MS4A4A: variants seen among roughly 807,000 people sequenced by gnomAD.
MS4A4A encodes the protein membrane spanning 4-domains A4A.
Under a neutral mutation model 28.0 loss-of-function variants are expected in MS4A4A, and 26 were observed. The ratio of observed to expected loss-of-function variants is 0.93; its 90% CI spans 0.68 to 1.29. MS4A4A has a LOEUF of 1.29. Ranked by LOEUF, MS4A4A falls within the 50% of genes most tolerant of loss-of-function variation. The probability of loss-of-function intolerance (pLI) is 0.00; values close to 1 mark genes in which losing one functional copy is unlikely to be tolerated. For missense variants in MS4A4A, 290 were observed against 293.1 expected (o/e 0.99, Z 0.08); for synonymous variants, 86 against 100.8 (o/e 0.85, Z 0.88).
intron 1 of MS4A4A, chr11:60,290,062 A>G (rs927541075): frequency 2.3e-6 from 1 of 443,286 alleles, no homozygotes; most frequent in Non-Finnish European, 4.6e-6. Flanking sequence ...TGTATCAAGG[A>G]TATCTACTTC....
intron 1 of MS4A4A, among the ~76,000 whole-genome samples, chr11:60,281,005 A>G (rs1339465596): frequency 6.6e-6 from 1 of 152,198 alleles, no homozygotes; most frequent in African/African-American, 2.4e-5. Flanking sequence ...TCTTCAGGAT[A>G]TCAAAACACT....
rs761844171 is a variant in MS4A4A, at chr11:60,297,219, T to C, written c.224T>C (p.Leu75Pro). 1.2e-6 allele frequency: 2 copies of C among 1,613,504 alleles called. No homozygotes were observed. Among genetic ancestry groups the C allele is most frequent in the South Asian group, 2.2e-5 (2 of 91,078 alleles). Residue 75 changes from leucine (L) to proline (P), a missense_variant, in exon 3 of 7, where the codon CTG becomes CCG. Coordinates refer to ENST00000337908, the MANE Select transcript of MS4A4A (RefSeq NM_148975.3). The part of the protein sequence containing the change: ...VLGVVQILTA[L>P]MSLSMGITMM... Reference sequence around the variant, plus strand: ...TAGGTTGTGCAGATTCTGACTGCCCTGATGAGCCTTAGCATGGGAATAACA... The same window carrying C: ...TAGGTTGTGCAGATTCTGACTGCCCCGATGAGCCTTAGCATGGGAATAACA...
At position 60,294,892 on chromosome 11, in the gene MS4A4A, A is replaced by ACTACTTCTTCTT. The variant is rs60374079; in HGVS notation, c.202-2303_202-2302insACTTCTTCTTCT. 6.1e-3 allele frequency among the ~76,000 whole-genome samples: 796 copies of ACTACTTCTTCTT among 130,910 alleles called. 6 individuals are homozygous for ACTACTTCTTCTT. The highest frequency in any genetic ancestry group is 0.01 in the African/African-American group (363 of 34,766). 85.9% of individuals were successfully genotyped at this position (130,910 alleles called of 152,430 possible). ...GGGTAGTGTTAGTCCTACAACTACT[A>ACTACTTCTTCTT]CTTCTTCTTCTTCTTCTTCTTCTTC... On this transcript the variant is annotated intron_variant, in intron 2 of 6. Transcript: ENST00000337908.
In MS4A4A at chr11:60,300,799, G is replaced by T. The variant is rs146068360; in HGVS notation, c.331-202G>T. ...TTTCAGTTAGATATTTGAAAAACTTGATAAATTCTCCCATGGATTTATCTG... is the reference window on the plus strand; with the variant it reads ...TTTCAGTTAGATATTTGAAAAACTTTATAAATTCTCCCATGGATTTATCTG... On this transcript the variant is annotated intron_variant, in intron 3 of 6. Transcript: ENST00000337908. Among the ~76,000 whole-genome samples, 530 of 152,090 alleles carry T rather than the reference G, an allele frequency of 3.5e-3. 4 individuals are homozygous for T. The highest frequency in any genetic ancestry group is 0.012 in the African/African-American group (490 of 41,510).
intron 1 of MS4A4A, among the ~76,000 whole-genome samples, chr11:60,284,166 A>G (rs141684089): frequency 7.0e-4 from 107 of 152,334 alleles, no homozygotes; most frequent in African/African-American, 2.5e-3. Context: ...TGTTTACTCA[A>G]GTTACTTAAT....
chr11:60,306,394 G>A (rs935744500), intron 6 of MS4A4A, among the ~76,000 whole-genome samples, 193 bp downstream of exon 6: 1 of 152,204 alleles, frequency 6.6e-6, no homozygotes, highest in Non-Finnish European at 1.5e-5. Context: ...GTTGGCTGGG[G>A]CTGTGGCCTT....
chr11:60,286,757 T>C (rs2084806860), intron 1 of MS4A4A, among the ~76,000 whole-genome samples: 1 of 152,242 alleles, frequency 6.6e-6, no homozygotes, highest in African/African-American at 2.4e-5. Flanking sequence ...CTTTCAACTA[T>C]GTTTCTTCTT....
chr11:60,305,108 G>A (rs1039246466), intron 5 of MS4A4A, among the ~76,000 whole-genome samples: 2 of 152,166 alleles, frequency 1.3e-5, no homozygotes, highest in Non-Finnish European at 2.9e-5. Context: ...GCATCAATCC[G>A]GGGGAAAATT....
intron 1 of MS4A4A, among the ~76,000 whole-genome samples, chr11:60,289,601 G>A (rs1251923201): frequency 1.4e-5 from 2 of 146,378 alleles, no homozygotes; most frequent in African/African-American, 5.3e-5. Flanking sequence ...GTGTATGTGT[G>A]TGTGTGTGTG....
At position 60,302,303 on chromosome 11, in the gene MS4A4A, C is replaced by G. The variant is rs2084958815; in HGVS notation, c.388-256C>G. 2.0e-5 allele frequency among the ~76,000 whole-genome samples: 3 copies of G among 152,146 alleles called. No individual in the cohort carries two copies. In the South Asian group the frequency reaches 6.2e-4, roughly 32 times the overall value. On this transcript the variant is annotated intron_variant, in intron 4 of 6. Coordinates refer to ENST00000337908, the MANE Select transcript of MS4A4A (RefSeq NM_148975.3). ...CTAAAGTGTGAAGGACATTGAAAAC[C>G]CTGCTAAAGAGATTTGGAGATTATA...
At chr11:60,282,622 G>A (rs1398357896) in intron 1 of MS4A4A, 14 of 1,284,640 alleles carry the variant, frequency 1.1e-5, no homozygotes, top group African/African-American at 1.5e-5. Context: ...GAACATTCCT[G>A]CAAATGGTTT....
At chr11:60,298,805 G>A (rs950413564) in intron 3 of MS4A4A, among the ~76,000 whole-genome samples, 1 of 152,192 alleles carries the variant, frequency 6.6e-6, no homozygotes, top group South Asian at 2.1e-4. Context: ...TGAGACTTTC[G>A]TAGGTGTTCC....
chr11:60,282,476 A>T, intron 1 of MS4A4A: 1 of 853,320 alleles, frequency 1.2e-6, no homozygotes, highest in South Asian at 1.6e-5. Flanking sequence ...ACTAATCCAC[A>T]TGTGGGCAAT....
chr11:60,282,674 T>C (rs1208693432), intron 1 of MS4A4A: 3 of 1,285,088 alleles, frequency 2.3e-6, no homozygotes, highest in East Asian at 1.1e-4. Context: ...AAATTACGTC[T>C]TTGGAACAAC....
rs191984093 is a variant in MS4A4A at position 60,307,484 on chromosome 11, A to G, written c.649-623A>G. On this transcript the variant is annotated intron_variant, in intron 6 of 6. Transcript: ENST00000337908. ...GGACATGGAGGCAAACTCTTTCGTA[A>G]GTTTCATGTCATAATATTTAAGCTT... Among the ~76,000 whole-genome samples the G allele has an allele frequency of 3.9e-5, 6 of 152,108 alleles. No homozygotes were observed. In the East Asian group the frequency reaches 9.7e-4, roughly 24 times the overall value.
rs1459049288 is a variant in MS4A4A at position 60,306,037 on chromosome 11, TG to T, written c.547-60del. On this transcript the variant is annotated intron_variant, in intron 5 of 6. Coordinates refer to ENST00000337908, the MANE Select transcript of MS4A4A (RefSeq NM_148975.3). ...TTTTCTCTTATGACATTGTGGTTAC[TG>T]GGAAATGTTTTCACTTGTCATCTCC... 5 of 1,377,086 alleles carry T rather than the reference TG, an allele frequency of 3.6e-6. No homozygotes were observed. In the African/African-American group the frequency reaches 7.2e-5, roughly 20 times the overall value. The allele number at this position is 1,377,086 out of a possible 1,614,324, so 85.3% of individuals were successfully genotyped here.
At position 60,297,306 on chromosome 11, in the gene MS4A4A, C is replaced by A. The variant is rs145442198; in HGVS notation, c.311C>A (p.Thr104Lys). The A allele has an allele frequency of 3.1e-4, 505 of 1,613,310 alleles. 1 individual carries two copies. The highest frequency in any genetic ancestry group is 3.5e-4 in the Non-Finnish European group (407 of 1,179,442). ...SNPISVYIGY[T>K]IWGSVMFIIS... Reference sequence around the variant, plus strand: ...CCTATTTCCGTGTATATCGGGTACACAATTTGGGGGTCAGTAATGGTGAGT... The same window carrying A: ...CCTATTTCCGTGTATATCGGGTACAAAATTTGGGGGTCAGTAATGGTGAGT... The change falls in exon 3 of 7, where the codon ACA (threonine) becomes AAA (lysine). Residue 104 changes from threonine to lysine, a missense_variant. Coordinates refer to ENST00000337908, the MANE Select transcript of MS4A4A (RefSeq NM_148975.3).
Position 60,283,683 on chromosome 11 carries a change from T to A in MS4A4A, c.41+2967T>A, listed in dbSNP as rs932650736. 5.9e-5 allele frequency among the ~76,000 whole-genome samples: 9 copies of A among 152,238 alleles called. No individual in the cohort carries two copies. In the East Asian group the frequency reaches 1.7e-3, roughly 29 times the overall value. On this transcript the variant is annotated intron_variant, in intron 1 of 6. Coordinates refer to ENST00000337908, the MANE Select transcript of MS4A4A (RefSeq NM_148975.3). ...TGTCAATTTATGGGCTTTATTAGAA[T>A]GACTTTAAATTAAGCCCAGAGAAGG...
chr11:60,295,554 C>T (rs1255263914), intron 2 of MS4A4A, among the ~76,000 whole-genome samples: 2 of 152,094 alleles, frequency 1.3e-5, no homozygotes, highest in Non-Finnish European at 2.9e-5. Flanking sequence ...AGGGCTCATC[C>T]CTGCCTTGTT....
Sources: allele counts gnomAD v4.1 joint callset (sites outside exome capture counted in the v4.1 genomes callset), GRCh38; gene constraint gnomAD v4.1.1; transcripts MANE v1.5; gene names NCBI Gene and HGNC (gene_info 2026-07-23, HGNC 2026-07-21).